LSMEM2: variants seen among roughly 807,000 people sequenced by gnomAD.
LSMEM2 encodes the protein leucine-rich single-pass membrane protein 2.
Under a neutral mutation model 17.3 loss-of-function variants are expected in LSMEM2, and 20 were observed. That is an observed-to-expected ratio of 1.16 (90% confidence interval 0.81 to 1.68). The LOEUF (loss-of-function observed/expected upper bound fraction) is 1.68, where lower values mean the gene tolerates loss of function less well. Ranked by LOEUF, LSMEM2 falls within the 40% of genes most tolerant of loss-of-function variation. The pLI is 0.00. For synonymous variants in LSMEM2, 94 were observed against 97.8 expected, an observed-to-expected ratio of 0.96 and a Z score of 0.23; for missense variants, 207 against 214.3, an observed-to-expected ratio of 0.97 and a Z score of 0.21.
At chr3:50,284,199 G>A (rs1261774461) in intron 1 of LSMEM2, among the ~76,000 whole-genome samples, 3 of 99,548 alleles carry the variant, frequency 3.0e-5, no homozygotes, top group African/African-American at 3.9e-5. Context: ...CAGCAAGACT[G>A]TCTCAAAAAA....
At chr3:50,280,747 C>T (rs1222661828) in intron 1 of LSMEM2, among the ~76,000 whole-genome samples, 1 of 152,016 alleles carries the variant, frequency 6.6e-6, no homozygotes, top group Non-Finnish European at 1.5e-5. Context: ...GAGCCCGCCA[C>T]TACGCCTGGC....
At position 50,287,549 on chromosome 3, in the gene LSMEM2, C is replaced by T. The variant is rs1701578951; in HGVS notation, c.*347C>T. The T allele has an allele frequency of 3.2e-6, 1 of 317,342 alleles. No individual in the cohort carries two copies. The highest frequency in any genetic ancestry group is 3.6e-5 in the South Asian group (1 of 28,088). The allele number at this position is 317,342 out of a possible 1,614,324, so 19.7% of individuals were successfully genotyped here. A position where few individuals can be genotyped will look rare whatever the true frequency, so the allele number is the denominator to read the frequency against. ...GCTGCCCCCATAGCAATCACCCAAA[C>T]TCTGCCAGGGCTCCCAGTGAGGGTC... On this transcript the variant is annotated 3_prime_UTR_variant, in exon 4 of 4. Coordinates refer to ENST00000316436, the MANE Select transcript of LSMEM2 (RefSeq NM_153215.3).
At chr3:50,284,610 G>A (rs1455650986) in intron 1 of LSMEM2, among the ~76,000 whole-genome samples, 2 of 152,160 alleles carry the variant, frequency 1.3e-5, no homozygotes, top group Non-Finnish European at 2.9e-5. Flanking sequence ...GTGCATGCCT[G>A]TAGTCCCAGC....
intron 1 of LSMEM2, among the ~76,000 whole-genome samples, chr3:50,284,142 G>A (rs1240034775): frequency 2.8e-5 from 4 of 144,218 alleles, no homozygotes; most frequent in Non-Finnish European, 3.0e-5. Context: ...GGAGGTGGAG[G>A]TTGCAGTGAG....
chr3:50,286,449 T>C, intron 1 of LSMEM2, 22 bp from the exon 2 acceptor site: 1 of 1,574,236 alleles, frequency 6.4e-7, no homozygotes, highest in South Asian at 1.2e-5. Flanking sequence ...ACTGGCTAAA[T>C]CAGCCTGCGC....
Position 50,284,470 on chromosome 3 carries a change from C to G in LSMEM2, c.59-2001C>G, listed in dbSNP as rs145446647. Among the ~76,000 whole-genome samples the G allele has an allele frequency of 5.7e-3, 867 of 152,076 alleles. 8 individuals are homozygous for G. The highest frequency in any genetic ancestry group is 0.02 in the African/African-American group (818 of 41,490). On this transcript the variant is annotated intron_variant, in intron 1 of 3. Coordinates refer to ENST00000316436, the MANE Select transcript of LSMEM2 (RefSeq NM_153215.3). ...TCAGGCCGGGCATGGTGGCTCACAC[C>G]TGTAATCCCAGCATTTTGAGAGGCC...
intron 1 of LSMEM2, among the ~76,000 whole-genome samples, chr3:50,282,472 G>A (rs1418559550): frequency 6.6e-6 from 1 of 152,240 alleles, no homozygotes; most frequent in Non-Finnish European, 1.5e-5. Flanking sequence ...GCTCCTATCT[G>A]GAGGTGTCCC....
intron 1 of LSMEM2, among the ~76,000 whole-genome samples, chr3:50,285,806 C>T (rs1480618915): frequency 1.3e-5 from 2 of 152,098 alleles, no homozygotes; most frequent in Admixed American, 6.6e-5. Context: ...CGCGCCATTG[C>T]GCTCCAGCCT....
chr3:50,286,594 G>A lies in LSMEM2; in HGVS notation c.172+10G>A, dbSNP rs782702145. ...GACCTACATAGTGGAGGTGAGTGGG[G>A]ACAGTGGGGTGGATGATGTGCTGGG... On this transcript the variant is annotated intron_variant, in intron 2 of 3. Coordinates refer to ENST00000316436, the MANE Select transcript of LSMEM2 (RefSeq NM_153215.3). The A allele has an allele frequency of 9.3e-6, 15 of 1,611,752 alleles. No individual in the cohort carries two copies. Among genetic ancestry groups the A allele is most frequent in the African/African-American group, 1.3e-5 (1 of 75,024 alleles).
At position 50,288,084 on chromosome 3, in the gene LSMEM2, T is replaced by A; in HGVS notation, c.*882T>A. 9.3e-7 allele frequency: 1 copy of A among 1,079,256 alleles called. No individual in the cohort carries two copies. The highest frequency in any genetic ancestry group is 1.4e-6 in the Non-Finnish European group (1 of 728,912). 66.9% of individuals were successfully genotyped at this position (1,079,256 alleles called of 1,614,324 possible). ...CCATGTCTGTTTTTGGTTTTGTCAT[T>A]AAAAAAAATAAAGTGACAAATACTG... On this transcript the variant is annotated 3_prime_UTR_variant, in exon 4 of 4. Coordinates refer to ENST00000316436, the MANE Select transcript of LSMEM2 (RefSeq NM_153215.3).
At position 50,288,072 on chromosome 3, in the gene LSMEM2, T is replaced by C; in HGVS notation, c.*870T>C. On this transcript the variant is annotated 3_prime_UTR_variant, in exon 4 of 4. Coordinates refer to ENST00000316436, the MANE Select transcript of LSMEM2 (RefSeq NM_153215.3). ...CAGCTACCCACCCCATGTCTGTTTT[T>C]GGTTTTGTCATTAAAAAAAATAAAG... 2.1e-6 allele frequency: 2 copies of C among 944,216 alleles called. No individual in the cohort carries two copies. The highest frequency in any genetic ancestry group is 3.3e-6 in the Non-Finnish European group (2 of 609,674). The allele number at this position is 944,216 out of a possible 1,614,324, so 58.5% of individuals were successfully genotyped here.
At chr3:50,279,000 A>G (rs1379423254), upstream of LSMEM2, 2 of 1,110,824 alleles carry the variant, frequency 1.8e-6, no homozygotes, top group East Asian at 5.0e-5. Context: ...CCCCCTCTAA[A>G]TATAGCCCAG....
chr3:50,283,812 G>T (rs890003074), intron 1 of LSMEM2, among the ~76,000 whole-genome samples: 4 of 151,322 alleles, frequency 2.6e-5, no homozygotes, highest in Admixed American at 1.3e-4. Context: ...CAAACAAAAA[G>T]CAAAAACTTC....
chr3:50,281,200 C>T (rs1337375192), intron 1 of LSMEM2, among the ~76,000 whole-genome samples: 6 of 150,444 alleles, frequency 4.0e-5, no homozygotes, highest in African/African-American at 9.8e-5. Flanking sequence ...GGACTACAGG[C>T]GCCAGCCACC....
rs1701584867 is a variant in LSMEM2, at chr3:50,287,816, T to G, written c.*614T>G. 3.9e-6 allele frequency: 1 copy of G among 255,558 alleles called. No individual in the cohort carries two copies. Among genetic ancestry groups the G allele is most frequent in the Non-Finnish European group, 7.6e-6 (1 of 131,256 alleles). 15.8% of individuals were successfully genotyped at this position (255,558 alleles called of 1,614,324 possible). On this transcript the variant is annotated 3_prime_UTR_variant, in exon 4 of 4. Coordinates refer to ENST00000316436, the MANE Select transcript of LSMEM2 (RefSeq NM_153215.3). ...GCACACAAATCCATTCCAGGTAGCT[T>G]TGCCACCCCACCTGCTGTGGTGGCA...
Position 50,279,127 on chromosome 3 carries a change from C to T in LSMEM2, c.14C>T (p.Ala5Val). 6.2e-7 allele frequency: 1 copy of T among 1,614,116 alleles called. No individual in the cohort carries two copies. Among genetic ancestry groups the T allele is most frequent in the East Asian group, 2.2e-5 (1 of 44,876 alleles). MPSL[A>V]PDCPLLAMPE... ...TCCTGCTACTGGATGCCATCATTGGCCCCCGACTGCCCACTGCTTGCCATG... is the reference window on the plus strand; with the variant it reads ...TCCTGCTACTGGATGCCATCATTGGTCCCCGACTGCCCACTGCTTGCCATG... Residue 5 changes from alanine to valine, a missense_variant, in exon 1 of 4, where the codon GCC becomes GTC. Coordinates refer to ENST00000316436, the MANE Select transcript of LSMEM2 (RefSeq NM_153215.3).
In LSMEM2 at chr3:50,287,187, C is replaced by T; in HGVS notation, c.480C>T (p.Ala160=). The T allele has an allele frequency of 6.2e-7, 1 of 1,613,914 alleles. No homozygotes were observed. The highest frequency in any genetic ancestry group is 8.5e-7 in the Non-Finnish European group (1 of 1,180,006). ...SQLRRLNSSE[A]QAPS ...TTCGGAGGCTCAACTCCAGTGAGGC[C>T]CAAGCACCCAGCTGAGATGCCATTT... The change falls in exon 4 of 4, where the codon GCC becomes GCT. Residue 160 remains alanine (A), a synonymous_variant. Transcript: ENST00000316436.
Position 50,286,899 on chromosome 3 carries a change from A to C in LSMEM2, c.361+37A>C, listed in dbSNP as rs782814836. ...TAGGGTGCTAGTAGGAATGGAAAGC[A>C]AGGCAGTGGGGACTGGGAGGCCCTT... On this transcript the variant is annotated intron_variant, in intron 3 of 3. Coordinates refer to ENST00000316436, the MANE Select transcript of LSMEM2 (RefSeq NM_153215.3). 2.5e-6 allele frequency: 4 copies of C among 1,607,646 alleles called. No individual in the cohort carries two copies. In the South Asian group the frequency reaches 3.3e-5, roughly 13 times the overall value.
chr3:50,279,964 C>T (rs1389726203), intron 1 of LSMEM2, among the ~76,000 whole-genome samples: 1 of 151,992 alleles, frequency 6.6e-6, no homozygotes, highest in Non-Finnish European at 1.5e-5. Flanking sequence ...CAACCTCCGC[C>T]TCCCAGATTC....
Sources: allele counts gnomAD v4.1 joint callset (sites outside exome capture counted in the v4.1 genomes callset), GRCh38; gene constraint gnomAD v4.1.1; transcripts MANE v1.5; gene names NCBI Gene and HGNC (gene_info 2026-07-23, HGNC 2026-07-21).